Variants in CCL28 observed in about 807,000 individuals in gnomAD.
The protein encoded by CCL28 is C-C motif chemokine ligand 28, also known as C-C motif chemokine 28.
Under a neutral mutation model 7.1 loss-of-function variants are expected in CCL28, and 4 were observed. The observed-to-expected ratio is 0.56, with a 90% confidence interval of 0.28 to 1.29. The LOEUF (loss-of-function observed/expected upper bound fraction) is 1.29, where lower values mean the gene tolerates loss of function less well. CCL28 is among the 50% of genes most tolerant of loss of function. The pLI is 0.11. For missense variants in CCL28, 151 were observed against 163.4 expected, an observed-to-expected ratio of 0.92 and a Z score of 0.41; for synonymous variants, 55 against 57.8, an observed-to-expected ratio of 0.95 and a Z score of 0.22.
chr5:43,374,808 C>T (rs1326015722), downstream of CCL28, among the ~76,000 whole-genome samples: 1 of 150,586 alleles, frequency 6.6e-6, no homozygotes, highest in Non-Finnish European at 1.5e-5. Context: ...AAATTCAGAT[C>T]TCACAGGGAT....
chr5:43,376,433 A>G (rs1353455475), downstream of CCL28, among the ~76,000 whole-genome samples: 2 of 152,218 alleles, frequency 1.3e-5, no homozygotes, highest in African/African-American at 4.8e-5. Context: ...TTATCAGCCC[A>G]AGATGTCAGT....
At chr5:43,364,341 A>G in the CCL28 span, among the ~76,000 whole-genome samples, 6 of 151,930 alleles carry the variant, frequency 3.9e-5, no homozygotes, top group African/African-American at 9.7e-5. Flanking sequence ...ATGTGTGTGT[A>G]TGTATGTGTA....
intron 1 of CCL28, among the ~76,000 whole-genome samples, chr5:43,406,960 A>G (rs957328772): frequency 6.6e-6 from 1 of 152,210 alleles, no homozygotes; most frequent in Admixed American, 6.5e-5. Flanking sequence ...CTTCAAAGAG[A>G]ACTACAAACC....
chr5:43,368,074 C>T, the CCL28 span, among the ~76,000 whole-genome samples: 2 of 152,182 alleles, frequency 1.3e-5, no homozygotes, highest in African/African-American at 4.8e-5. Flanking sequence ...ATTCCAGGCT[C>T]CACCACTTAA....
chr5:43,394,680 T>C (rs1561161614), intron 1 of CCL28, among the ~76,000 whole-genome samples: 1 of 152,148 alleles, frequency 6.6e-6, no homozygotes, highest in Non-Finnish European at 1.5e-5. Context: ...TTATTTTTAA[T>C]AGTTTGGAGT....
At chr5:43,366,917 C>T in the CCL28 span, among the ~76,000 whole-genome samples, 6 of 152,240 alleles carry the variant, frequency 3.9e-5, no homozygotes, top group South Asian at 2.1e-4. Context: ...CCACCCAGTT[C>T]GAACTTCCCA....
intron 1 of CCL28, among the ~76,000 whole-genome samples, chr5:43,411,296 A>T (rs1251228262): frequency 6.6e-6 from 1 of 152,216 alleles, no homozygotes; most frequent in Non-Finnish European, 1.5e-5. Context: ...TGACAATGGA[A>T]AAGAGTCATT....
downstream of CCL28, among the ~76,000 whole-genome samples, chr5:43,374,565 G>A (rs530153046): frequency 1.3e-5 from 2 of 152,154 alleles, no homozygotes; most frequent in East Asian, 3.9e-4. Flanking sequence ...GGCGGATCAC[G>A]AGGTCAGAAG....
intron 1 of CCL28, among the ~76,000 whole-genome samples, chr5:43,402,131 A>G (rs1741063514): frequency 1.3e-5 from 2 of 152,180 alleles, no homozygotes; most frequent in Non-Finnish European, 2.9e-5. Flanking sequence ...CTTTTCTGCC[A>G]TTTGTTGAGC....
the CCL28 span, among the ~76,000 whole-genome samples, chr5:43,359,313 C>T: frequency 3.3e-5 from 5 of 152,126 alleles, no homozygotes; most frequent in African/African-American, 7.2e-5. Context: ...AGTATTGTTT[C>T]TATAGATTAT....
At chr5:43,368,080 C>A in the CCL28 span, among the ~76,000 whole-genome samples, 317 of 152,304 alleles carry the variant, frequency 2.1e-3, no homozygotes, top group African/African-American at 7.2e-3. Context: ...GGCTCCACCA[C>A]TTAAAGGGTT....
chr5:43,407,284 C>T (rs1219972913), intron 1 of CCL28, among the ~76,000 whole-genome samples: 1 of 152,096 alleles, frequency 6.6e-6, no homozygotes, highest in East Asian at 1.9e-4. Flanking sequence ...GGTACTAGTA[C>T]CAAAACAGAG....
intron 1 of CCL28, among the ~76,000 whole-genome samples, chr5:43,408,530 C>T (rs1323112244): frequency 1.3e-5 from 2 of 152,124 alleles, no homozygotes; most frequent in Non-Finnish European, 2.9e-5. Flanking sequence ...AGGAGATATA[C>T]TTATTGTAAA....
chr5:43,380,473 T>A lies in CCL28; in HGVS notation c.*1387A>T, dbSNP rs1346839090. ...GTACACGAATTCACGTAGGAAATTC[T>A]TAACCAAAAACATTAAACCTGAATT... On this transcript the variant is annotated 3_prime_UTR_variant, in exon 3 of 3. Coordinates refer to ENST00000361115, the MANE Select transcript of CCL28 (RefSeq NM_148672.3). 1 of 152,210 alleles carries A rather than the reference T, an allele frequency of 6.6e-6. No individual in the cohort carries two copies. The highest frequency in any genetic ancestry group is 1.5e-5 in the Non-Finnish European group (1 of 68,038). The allele number at this position is 152,210 out of a possible 1,614,324, so 9.4% of individuals were successfully genotyped here. A position where few individuals can be genotyped will look rare whatever the true frequency, so the allele number is the denominator to read the frequency against.
intron 1 of CCL28, among the ~76,000 whole-genome samples, chr5:43,404,701 GAC>G (rs998087196): frequency 9.2e-5 from 14 of 152,088 alleles, no homozygotes; most frequent in African/African-American, 3.1e-4. Flanking sequence ...CCAATTAAAA[GAC>G]ACAGACTGGC....
At chr5:43,360,955 G>A in the CCL28 span, among the ~76,000 whole-genome samples, 1 of 152,074 alleles carries the variant, frequency 6.6e-6, no homozygotes, top group Admixed American at 6.6e-5. Context: ...GCATCCATTA[G>A]CTATTTTTCC....
the CCL28 span, among the ~76,000 whole-genome samples, chr5:43,359,485 G>A: frequency 0.015 from 2,339 of 152,296 alleles, 63 homozygotes; most frequent in African/African-American, 0.052. Context: ...TCTGCCCTGG[G>A]TCGGGCAGGT....
At chr5:43,376,287 G>C (rs1461148340), downstream of CCL28, among the ~76,000 whole-genome samples, 1 of 152,128 alleles carries the variant, frequency 6.6e-6, no homozygotes, top group African/African-American at 2.4e-5. Flanking sequence ...ACTGGGGTTA[G>C]AGGAGATTTT....
At chr5:43,379,170 G>C (rs1740006460), downstream of CCL28, 1 of 152,018 alleles carries the variant, frequency 6.6e-6, no homozygotes, top group East Asian at 1.9e-4. Context: ...CAAGTTGTTA[G>C]TTGAAAGAAT....
Sources: allele counts gnomAD v4.1 joint callset (sites outside exome capture counted in the v4.1 genomes callset), GRCh38; gene constraint gnomAD v4.1.1; transcripts MANE v1.5; gene names NCBI Gene and HGNC (gene_info 2026-07-23, HGNC 2026-07-21).